Variants in SLCO5A1 observed in about 807,000 individuals in gnomAD.
SLCO5A1 encodes the protein solute carrier organic anion transporter family member 5A1.
Under a neutral mutation model 65.1 loss-of-function variants are expected in SLCO5A1, and 39 were observed. The observed-to-expected ratio is 0.60, with a 90% CI of 0.46 to 0.78. The LOEUF is 0.78. Ranked by LOEUF, SLCO5A1 falls within the 30% of genes least tolerant of loss-of-function variation. The pLI, the probability that SLCO5A1 is intolerant of heterozygous loss-of-function variation, is 0.00. For synonymous variants in SLCO5A1, 438 were observed against 415.7 expected (o/e 1.05, Z -0.65); for missense variants, 1,029 against 1,069.4 (o/e 0.96, Z 0.53).
chr8:69,730,462 T>G (rs1483026595), intron 5 of SLCO5A1, among the ~76,000 whole-genome samples: 1 of 152,196 alleles, frequency 6.6e-6, no homozygotes, highest in East Asian at 1.9e-4. Context: ...TCAGTTCAAG[T>G]TATTGTTTTC....
At position 69,782,527 on chromosome 8, in the gene SLCO5A1, T is replaced by C. The variant is rs145625298; in HGVS notation, c.908-20652A>G. Among the ~76,000 whole-genome samples, 440 of 147,096 alleles carry C rather than the reference T, an allele frequency of 3.0e-3. 3 individuals carry two copies. The highest frequency in any genetic ancestry group is 0.01 in the African/African-American group (414 of 39,568). On this transcript the variant is annotated intron_variant, in intron 2 of 9. Transcript: ENST00000260126. ...CCCAGGAGGTCAAGGCTGCAGTGAG[T>C]CATGTTCTTGCCACTGCACTCCAGT...
At chr8:69,688,557 A>C (rs866231213) in intron 6 of SLCO5A1, among the ~76,000 whole-genome samples, 2 of 150,154 alleles carry the variant, frequency 1.3e-5, no homozygotes, top group African/African-American at 2.5e-5. Flanking sequence ...TCATTGTTCA[A>C]TTCCCATCTA....
At chr8:69,769,645 C>T (rs913621625) in intron 2 of SLCO5A1, among the ~76,000 whole-genome samples, 4 of 152,142 alleles carry the variant, frequency 2.6e-5, no homozygotes. Flanking sequence ...ACATGACATA[C>T]TTAACACCTT....
intron 5 of SLCO5A1, among the ~76,000 whole-genome samples, chr8:69,709,382 T>C (rs1815123006): frequency 1.3e-5 from 2 of 152,210 alleles, no homozygotes; most frequent in Admixed American, 1.3e-4. Flanking sequence ...GCACAGATAA[T>C]CAACTTAGCC....
chr8:69,677,027 T>G (rs966587221), intron 8 of SLCO5A1, among the ~76,000 whole-genome samples: 1 of 148,300 alleles, frequency 6.7e-6, no homozygotes, highest in Non-Finnish European at 1.5e-5. Flanking sequence ...TACTGCACGG[T>G]TTTTTTGTTT....
intron 2 of SLCO5A1, among the ~76,000 whole-genome samples, chr8:69,807,292 A>G (rs1210837158): frequency 6.6e-6 from 1 of 152,246 alleles, no homozygotes. Context: ...ACATTGTGGA[A>G]TGATTAAGTA....
At chr8:69,682,814 A>G (rs1040717055) in intron 6 of SLCO5A1, among the ~76,000 whole-genome samples, 2 of 152,232 alleles carry the variant, frequency 1.3e-5, no homozygotes, top group Non-Finnish European at 2.9e-5. Flanking sequence ...AGTTATTAAT[A>G]TACGTTCCTT....
intron 5 of SLCO5A1, among the ~76,000 whole-genome samples, chr8:69,726,412 G>T (rs1586730686): frequency 6.6e-6 from 1 of 151,560 alleles, no homozygotes; most frequent in Non-Finnish European, 1.5e-5. Flanking sequence ...ATATCTCCTA[G>T]CCTCCTTCAG....
intron 5 of SLCO5A1, 23 bp from the exon 6 acceptor site, chr8:69,705,252 A>T (rs1211259332): frequency 6.2e-7 from 1 of 1,607,454 alleles, no homozygotes; most frequent in Non-Finnish European, 8.5e-7. Flanking sequence ...GAAGGAGAGG[A>T]TTAATTTGAA....
intron 5 of SLCO5A1, 26 bp from the exon 6 acceptor site, chr8:69,705,255 A>T: frequency 6.2e-7 from 1 of 1,604,068 alleles, no homozygotes; most frequent in Non-Finnish European, 8.5e-7. Flanking sequence ...GGAGAGGATT[A>T]ATTTGAACTC....
At chr8:69,820,321 G>C (rs1820580095) in intron 2 of SLCO5A1, among the ~76,000 whole-genome samples, 1 of 152,206 alleles carries the variant, frequency 6.6e-6, no homozygotes, top group Non-Finnish European at 1.5e-5. Context: ...ACTCAAGGCT[G>C]TACCAGCCCC....
At chr8:69,828,640 A>T (rs1012773084) in intron 2 of SLCO5A1, among the ~76,000 whole-genome samples, 2 of 152,124 alleles carry the variant, frequency 1.3e-5, no homozygotes, top group Admixed American at 1.3e-4. Context: ...GGAGGAAAGA[A>T]AATGAATACC....
intron 2 of SLCO5A1, among the ~76,000 whole-genome samples, chr8:69,823,915 T>C (rs894741561): frequency 3.3e-5 from 5 of 152,158 alleles, no homozygotes; most frequent in South Asian, 2.1e-4. Context: ...TCAGAAATTA[T>C]AACAAACTGT....
At position 69,832,073 on chromosome 8, in the gene SLCO5A1, C is replaced by T; in HGVS notation, c.601G>A (p.Gly201Ser). 1 of 1,613,444 alleles carries T rather than the reference C, an allele frequency of 6.2e-7. No homozygotes were observed. Among genetic ancestry groups the T allele is most frequent in the Non-Finnish European group, 8.5e-7 (1 of 1,179,918 alleles). Residue 201 changes from glycine (G) to serine (S), a missense_variant, in exon 2 of 10, where the codon GGT becomes AGT. Gly to Ser is a moderately conservative substitution (Grantham distance 56). This residue lies in a region of SLCO5A1 where 647 missense variants were observed against 647.5 expected (regional missense o/e 1.00). Transcript: ENST00000260126. The surrounding 1 kb of genome is among the most constrained non-coding windows in gnomAD (Gnocchi z 4.5). ...RGRRPLWLAV[G>S]GLLIAFGAAL... ...GCCCCGAAGGCGATGAGGAGTCCAC[C>T]CACGGCCAGCCACAGGGGCCGCCGA...
chr8:69,680,762 CT>C, intron 7 of SLCO5A1, among the ~76,000 whole-genome samples: 1 of 152,130 alleles, frequency 6.6e-6, no homozygotes, highest in Non-Finnish European at 1.5e-5. Flanking sequence ...TTTTAAACAT[CT>C]TTGAAGTCCC....
intron 9 of SLCO5A1, among the ~76,000 whole-genome samples, chr8:69,675,443 C>A (rs1354952957): frequency 6.6e-6 from 1 of 152,128 alleles, no homozygotes; most frequent in Non-Finnish European, 1.5e-5. Context: ...TCCCAAAGTG[C>A]AGGGATTAAA....
chr8:69,756,268 G>T (rs1817538996), intron 3 of SLCO5A1, among the ~76,000 whole-genome samples: 1 of 152,114 alleles, frequency 6.6e-6, no homozygotes, highest in African/African-American at 2.4e-5. Context: ...AGCCAGGTGT[G>T]GTGGTGGGCA....
At chr8:69,807,815 T>C (rs971283420) in intron 2 of SLCO5A1, among the ~76,000 whole-genome samples, 8 of 152,236 alleles carry the variant, frequency 5.3e-5, no homozygotes, top group African/African-American at 1.9e-4. Context: ...GCCATTCTCC[T>C]GCCTCAGCCT....
At position 69,769,576 on chromosome 8, in the gene SLCO5A1, C is replaced by A. The variant is rs1818224663; in HGVS notation, c.908-7701G>T. On this transcript the variant is annotated intron_variant, in intron 2 of 9. Transcript: ENST00000260126. ...TATGTTGAATAATTACCTATTAATT[C>A]TCTAATAACTATTATTACATATTAA... is the stretch of plus-strand genomic sequence containing the variant. Among the ~76,000 whole-genome samples the A allele has an allele frequency of 2.0e-5, 3 of 152,224 alleles. No individual in the cohort carries two copies. In the South Asian group the frequency reaches 6.2e-4, roughly 32 times the overall value.
Sources: gnomAD v4.1 joint callset for allele counts (sites outside exome capture counted in the v4.1 genomes callset) on GRCh38, gnomAD v4.1.1 for gene constraint, gnomAD v4.1.1 regional missense constraint, Gnocchi (gnomAD v3.1) non-coding constraint, MANE v1.5 for transcripts, NCBI Gene and HGNC (gene_info 2026-07-23, HGNC 2026-07-21) for gene names.